Variants in STXBP5L observed in about 807,000 individuals in gnomAD.
STXBP5L encodes the protein syntaxin binding protein 5L.
STXBP5L carries 65 observed loss-of-function variants against 144.5 expected under a neutral mutation model. The ratio of observed to expected loss-of-function variants is 0.45; its 90% CI spans 0.37 to 0.55. The LOEUF is 0.55. Ranked by LOEUF, STXBP5L falls within the 20% of genes least tolerant of loss-of-function variation. The probability of loss-of-function intolerance (pLI) is 0.00; values close to 1 mark genes in which losing one functional copy is unlikely to be tolerated. For missense variants in STXBP5L, 1,298 were observed against 1,405.5 expected (o/e 0.92, Z 1.22); for synonymous variants, 505 against 469.6 (o/e 1.08, Z -0.97).
chr3:121,413,253 C>T lies in STXBP5L; in HGVS notation c.3044C>T (p.Ala1015Val), dbSNP rs768989967. The T allele has an allele frequency of 1.2e-6, 2 of 1,609,076 alleles. No individual in the cohort carries two copies. Among genetic ancestry groups the T allele is most frequent in the East Asian group, 2.2e-5 (1 of 44,540 alleles). Residue 1015 changes from alanine to valine, a missense_variant, in exon 24 of 27, where the codon GCA becomes GTA. Ala to Val is a moderately conservative substitution (Grantham distance 64, BLOSUM62 0). Transcript: ENST00000471454. ...TTTTGTTTTACCAATGAAGGACAGGCATTATACCTCGTCTCTCCTACTGAA... is the reference window on the plus strand; with the variant it reads ...TTTTGTTTTACCAATGAAGGACAGGTATTATACCTCGTCTCTCCTACTGAA... ...RTFCFTNEGQ[A>V]LYLVSPTEIQ...
At chr3:121,153,264 C>T (rs2045993162) in intron 8 of STXBP5L, among the ~76,000 whole-genome samples, 1 of 151,904 alleles carries the variant, frequency 6.6e-6, no homozygotes, top group Non-Finnish European at 1.5e-5. Context: ...TTTTTCCATT[C>T]AGAAGAGGCT....
At position 120,919,410 on chromosome 3, in the gene STXBP5L, G is replaced by A. The variant is rs72964798; in HGVS notation, c.189+9643G>A. Among the ~76,000 whole-genome samples, 463 of 152,068 alleles carry A rather than the reference G, an allele frequency of 3.0e-3. 3 individuals carry two copies. Among genetic ancestry groups the A allele is most frequent in the African/African-American group, 0.01 (424 of 41,534 alleles). On this transcript the variant is annotated intron_variant, in intron 2 of 26. Coordinates refer to ENST00000471454, the MANE Select transcript of STXBP5L (RefSeq NM_001308330.2). ...GAAGAACTGAGTTGGAAGGTGGTAG[G>A]AAGAGGATTAAAATACTGATGAGGA...
At chr3:121,194,552 A>G (rs1416124921) in intron 9 of STXBP5L, among the ~76,000 whole-genome samples, 1 of 151,934 alleles carries the variant, frequency 6.6e-6, no homozygotes, top group Non-Finnish European at 1.5e-5. Flanking sequence ...TTTAGAGGAC[A>G]TAACAGACTG....
At chr3:121,207,806 T>C (rs1577211301) in intron 10 of STXBP5L, among the ~76,000 whole-genome samples, 2 of 150,120 alleles carry the variant, frequency 1.3e-5, no homozygotes, top group Middle Eastern at 3.4e-3. Context: ...CCAGTTAGAA[T>C]GGCGATCATT....
chr3:121,049,056 G>A (rs1947739841), intron 5 of STXBP5L, among the ~76,000 whole-genome samples: 1 of 152,144 alleles, frequency 6.6e-6, no homozygotes, highest in Non-Finnish European at 1.5e-5. Flanking sequence ...GAAAAGCACA[G>A]AGCTGCTACT....
intron 19 of STXBP5L, among the ~76,000 whole-genome samples, chr3:121,290,925 A>G (rs338997): frequency 0.62 from 94,990 of 152,012 alleles, 29,889 homozygotes; most frequent in East Asian, 0.8. Flanking sequence ...CATCTATGAC[A>G]GATGTACAGA....
At chr3:121,239,602 G>C (rs374950680) in intron 13 of STXBP5L, among the ~76,000 whole-genome samples, 1 of 148,866 alleles carries the variant, frequency 6.7e-6, no homozygotes, top group African/African-American at 2.5e-5. Context: ...GTAAACTATC[G>C]CAAGAACAAA....
chr3:121,206,873 A>C (rs1036309053), intron 10 of STXBP5L, among the ~76,000 whole-genome samples: 1 of 152,186 alleles, frequency 6.6e-6, no homozygotes, highest in Non-Finnish European at 1.5e-5. Context: ...CTTGGCAATA[A>C]TAATTAGTGG....
chr3:121,093,600 T>C (rs549509804), intron 5 of STXBP5L, among the ~76,000 whole-genome samples: 3 of 152,382 alleles, frequency 2.0e-5, no homozygotes, highest in South Asian at 4.1e-4. Flanking sequence ...TTTATATTTC[T>C]GTGGGATCAG....
At chr3:121,196,897 G>A (rs887108815) in intron 9 of STXBP5L, among the ~76,000 whole-genome samples, 1 of 152,030 alleles carries the variant, frequency 6.6e-6, no homozygotes, top group East Asian at 1.9e-4. Flanking sequence ...TGCCCAGTCT[G>A]GTCTCAATAC....
chr3:120,995,819 T>C (rs1188351891), intron 3 of STXBP5L, among the ~76,000 whole-genome samples: 1 of 152,288 alleles, frequency 6.6e-6, no homozygotes, highest in East Asian at 1.9e-4. Flanking sequence ...TAGTTTATTA[T>C]ATTGAACCAC....
At chr3:120,922,528 C>T (rs1369884682) in intron 2 of STXBP5L, among the ~76,000 whole-genome samples, 1 of 151,944 alleles carries the variant, frequency 6.6e-6, no homozygotes, top group Non-Finnish European at 1.5e-5. Context: ...AAGTGGGCAT[C>T]CTTGTCTTGC....
intron 26 of STXBP5L, 148 bp downstream of exon 26, chr3:121,418,705 C>A: frequency 1.2e-6 from 1 of 823,758 alleles, no homozygotes; most frequent in Non-Finnish European, 1.9e-6. Flanking sequence ...TATTATAATT[C>A]TCCCAGTGCT....
At chr3:121,018,876 C>A (rs1945336137) in intron 3 of STXBP5L, among the ~76,000 whole-genome samples, 2 of 152,202 alleles carry the variant, frequency 1.3e-5, no homozygotes, top group Admixed American at 6.5e-5. Context: ...AATCCACAGA[C>A]CCTTTGAAGG....
At chr3:121,087,822 T>A (rs2107716870) in intron 5 of STXBP5L, among the ~76,000 whole-genome samples, 1 of 152,250 alleles carries the variant, frequency 6.6e-6, no homozygotes, top group South Asian at 2.1e-4. Flanking sequence ...AATTTTAGTG[T>A]ATTTCTTTGT....
intron 5 of STXBP5L, among the ~76,000 whole-genome samples, chr3:121,094,542 C>G: frequency 6.6e-6 from 1 of 151,818 alleles, no homozygotes; most frequent in Non-Finnish European, 1.5e-5. Context: ...TTCTTTGTCC[C>G]TTTTGATCTT....
At chr3:120,994,884 C>T (rs1057360770) in intron 3 of STXBP5L, among the ~76,000 whole-genome samples, 3 of 151,730 alleles carry the variant, frequency 2.0e-5, no homozygotes, top group Non-Finnish European at 4.4e-5. Flanking sequence ...TAGAACTTGG[C>T]AGTGAAGCCA....
chr3:121,297,975 A>G (rs1165336676), intron 19 of STXBP5L, among the ~76,000 whole-genome samples: 1 of 152,190 alleles, frequency 6.6e-6, no homozygotes, highest in Non-Finnish European at 1.5e-5. Context: ...TCCTGTTTTC[A>G]ATTATTTTGG....
At chr3:121,401,195 C>A (rs908812555) in intron 22 of STXBP5L, among the ~76,000 whole-genome samples, 1 of 152,110 alleles carries the variant, frequency 6.6e-6, no homozygotes, top group Non-Finnish European at 1.5e-5. Flanking sequence ...TTTCAAATAA[C>A]AAATCAGTTT....
Sources: gnomAD v4.1 joint callset for allele counts (sites outside exome capture counted in the v4.1 genomes callset) on GRCh38, gnomAD v4.1.1 for gene constraint, MANE v1.5 for transcripts, NCBI Gene and HGNC (gene_info 2026-07-23, HGNC 2026-07-21) for gene names.